Variants in TMEM254 observed in about 807,000 individuals in gnomAD.
TMEM254 encodes transmembrane protein 254.
Under a neutral mutation model 13.9 loss-of-function variants are expected in TMEM254, and 16 were observed. The observed-to-expected ratio is 1.15, with a 90% CI of 0.78 to 1.75. The LOEUF (loss-of-function observed/expected upper bound fraction) is 1.75, where lower values mean the gene tolerates loss of function less well. Among genes scored for constraint, TMEM254 ranks in the 40% most tolerant of loss-of-function variants. TMEM254 has a pLI of 0.00. For missense variants in TMEM254, 155 were observed against 149.0 expected, an observed-to-expected ratio of 1.04 and a Z score of -0.21; for synonymous variants, 61 against 56.4, an observed-to-expected ratio of 1.08 and a Z score of -0.36.
At chr10:80,082,917 G>A (rs1437956199) in intron 3 of TMEM254, among the ~76,000 whole-genome samples, 8 of 151,802 alleles carry the variant, frequency 5.3e-5, no homozygotes. Context: ...ATTAATTTCT[G>A]GTCAAGATAT....
At chr10:80,082,095 C>T in intron 2 of TMEM254, 50 bp from the exon 3 acceptor site, 1 of 1,603,208 alleles carries the variant, frequency 6.2e-7, no homozygotes, top group Non-Finnish European at 8.5e-7. Context: ...TAGATTTCAT[C>T]AGCAGATAAC....
At chr10:80,080,361 C>G (rs188859568) in intron 1 of TMEM254, among the ~76,000 whole-genome samples, 2 of 152,306 alleles carry the variant, frequency 1.3e-5, no homozygotes, top group East Asian at 1.9e-4. Context: ...AAAGTCTTAG[C>G]TGACAGAAGT....
chr10:80,081,655 G>A (rs1351012631), intron 1 of TMEM254, 186 bp from the exon 2 acceptor site: 1 of 1,542,964 alleles, frequency 6.5e-7, no homozygotes, highest in Non-Finnish European at 8.7e-7. Context: ...GCAGCGGAGT[G>A]AGACCCTGTC....
chr10:80,082,263 G>A (rs1286887980), intron 3 of TMEM254, 59 bp downstream of exon 3: 4 of 1,575,838 alleles, frequency 2.5e-6, no homozygotes, highest in Admixed American at 1.7e-5. Context: ...TAAATTGAGA[G>A]CAGCCACATT....
intron 3 of TMEM254, among the ~76,000 whole-genome samples, chr10:80,085,840 T>A (rs1165477480): frequency 2.0e-5 from 3 of 152,220 alleles, no homozygotes; most frequent in Non-Finnish European, 4.4e-5. Context: ...TACCTTTTTA[T>A]AGTCTGGAGT....
chr10:80,081,936 G>T lies in TMEM254; in HGVS notation c.183G>T (p.Leu61=), dbSNP rs1932574. 671,544 of 1,612,638 alleles carry T rather than the reference G, an allele frequency of 0.42. 143,571 individuals carry two copies. Among genetic ancestry groups the T allele is most frequent in the East Asian group, 0.7 (31,165 of 44,822 alleles). The change falls in exon 2 of 4, where the codon CTG becomes CTT. Residue 61 remains leucine (L), a synonymous_variant. Transcript: ENST00000372281. ...TGGTGGACCACCATCACACCCTCCT[G>T]TGCAATGGGTAAGGAGAGCTGCACA... ...QYLVDHHHTL[L]CNGYWLAWLI...
chr10:80,078,980 C>T (rs1035354491), intron 1 of TMEM254, 194 bp downstream of exon 1: 1 of 1,537,936 alleles, frequency 6.5e-7, no homozygotes, highest in Admixed American at 2.0e-5. Flanking sequence ...GGGTCTTGGG[C>T]GGGCGCCCAG....
chr10:80,082,662 G>T (rs1437653381), intron 3 of TMEM254, among the ~76,000 whole-genome samples: 2 of 152,142 alleles, frequency 1.3e-5, no homozygotes, highest in Non-Finnish European at 2.9e-5. Context: ...CTCAGAGATA[G>T]GAATGTGCTC....
At chr10:80,082,262 A>G (rs1260998440) in intron 3 of TMEM254, 58 bp downstream of exon 3, 16 of 1,578,662 alleles carry the variant, frequency 1.0e-5, no homozygotes, top group Non-Finnish European at 1.2e-5. Context: ...ATAAATTGAG[A>G]GCAGCCACAT....
At chr10:80,078,892 C>A in intron 1 of TMEM254, 106 bp downstream of exon 1, 1 of 1,527,440 alleles carries the variant, frequency 6.5e-7, no homozygotes, top group Non-Finnish European at 8.9e-7. Flanking sequence ...CGTGCAAGCA[C>A]AATCCCGACT....
intron 3 of TMEM254, among the ~76,000 whole-genome samples, chr10:80,084,258 G>A (rs1041376463): frequency 1.3e-5 from 2 of 152,034 alleles, no homozygotes; most frequent in African/African-American, 2.4e-5. Flanking sequence ...TTCCTTGATG[G>A]TTCATTCAGA....
Position 80,088,736 on chromosome 10 carries a change from C to A in TMEM254, c.252-2061C>A, listed in dbSNP as rs1182312858. On this transcript the variant is annotated intron_variant, in intron 3 of 3. Coordinates refer to ENST00000372281, the MANE Select transcript of TMEM254 (RefSeq NM_025125.4). ...TTAGCTGAGATCATGCCACTGCACT[C>A]CAGCCTGGGCGACAGAGCAAGACTC... 1.2e-4 allele frequency among the ~76,000 whole-genome samples: 17 copies of A among 144,010 alleles called. No homozygotes were observed. The East Asian group carries it at 3.2e-3, about 27-fold the overall frequency. 94.5% of individuals were successfully genotyped at this position (144,010 alleles called of 152,430 possible).
intron 3 of TMEM254, among the ~76,000 whole-genome samples, chr10:80,084,345 C>G (rs1844206170): frequency 1.3e-5 from 2 of 152,136 alleles, no homozygotes; most frequent in Non-Finnish European, 2.9e-5. Context: ...TTATTGAGAT[C>G]ACTTCCGTCC....
At chr10:80,085,061 C>G (rs1844243234) in intron 3 of TMEM254, among the ~76,000 whole-genome samples, 1 of 152,030 alleles carries the variant, frequency 6.6e-6, no homozygotes, top group African/African-American at 2.4e-5. Flanking sequence ...ACCTCGTAAT[C>G]CGCCCACCTC....
intron 3 of TMEM254, among the ~76,000 whole-genome samples, chr10:80,087,588 G>A (rs953486843): frequency 6.6e-6 from 1 of 152,094 alleles, no homozygotes; most frequent in African/African-American, 2.4e-5. Flanking sequence ...GGGAGGCGGA[G>A]GTTGCAGTGA....
Position 80,090,856 on chromosome 10 carries a change from T to C in TMEM254, c.311T>C (p.Phe104Ser). Residue 104 changes from phenylalanine to serine, a missense_variant, in exon 4 of 4, where the codon TTT becomes TCT. Phe to Ser is a radical substitution (Grantham distance 155). Coordinates refer to ENST00000372281, the MANE Select transcript of TMEM254 (RefSeq NM_025125.4). ...CTCTGGTTCCTACAGACTTTCTTCTTTGGGATAGCGTCTCTCACCATCTTG... is the reference window on the plus strand; with the variant it reads ...CTCTGGTTCCTACAGACTTTCTTCTCTGGGATAGCGTCTCTCACCATCTTG... Reference protein sequence around the residue: ...QLLWFLQTFFFGIASLTILIA... With the variant: ...QLLWFLQTFFSGIASLTILIA... 6.2e-7 allele frequency: 1 copy of C among 1,614,194 alleles called. No individual in the cohort carries two copies.
At chr10:80,090,368 C>T in intron 3 of TMEM254, 2 of 717,400 alleles carry the variant, frequency 2.8e-6, no homozygotes, top group Non-Finnish European at 5.2e-6. Context: ...TACTGCTGTT[C>T]CTGTTTTTCA....
At chr10:80,085,742 A>G (rs570963968) in intron 3 of TMEM254, among the ~76,000 whole-genome samples, 1 of 152,260 alleles carries the variant, frequency 6.6e-6, no homozygotes, top group South Asian at 2.1e-4. Context: ...TTGTTACATA[A>G]CAATACTTTA....
chr10:80,090,795 A>G lies in TMEM254; in HGVS notation c.252-2A>G, dbSNP rs758022525. Reference sequence around the variant, plus strand: ...GTTTAAATTTTGTTTTTTCTGTTTTAGGCATAAAGGCATCACAAGTGGTCG... The same window carrying G: ...GTTTAAATTTTGTTTTTTCTGTTTTGGGCATAAAGGCATCACAAGTGGTCG... On this transcript the variant is annotated splice_acceptor_variant, in intron 3 of 3. Transcript: ENST00000372281. LOFTEE classifies it high-confidence loss of function. 8 of 1,607,234 alleles carry G rather than the reference A, an allele frequency of 5.0e-6. No individual in the cohort carries two copies. Among genetic ancestry groups the G allele is most frequent in the Non-Finnish European group, 6.8e-6 (8 of 1,178,496 alleles).
Sources: gnomAD v4.1 joint callset for allele counts (sites outside exome capture counted in the v4.1 genomes callset) on GRCh38, gnomAD v4.1.1 for gene constraint, MANE v1.5 for transcripts, NCBI Gene and HGNC (gene_info 2026-07-23, HGNC 2026-07-21) for gene names.